Variants in SEPTIN8 observed in about 807,000 individuals in gnomAD.
SEPTIN8 encodes the protein septin-8.
In SEPTIN8, 22 loss-of-function variants were observed where a neutral mutation model predicts 53.1. The ratio of observed to expected loss-of-function variants is 0.41; its 90% CI spans 0.30 to 0.59. The LOEUF (loss-of-function observed/expected upper bound fraction) is 0.59. Ranked by LOEUF, SEPTIN8 falls within the 20% of genes least tolerant of loss-of-function variation. SEPTIN8 has a pLI of 0.24. For synonymous variants in SEPTIN8, 228 were observed against 248.4 expected (o/e 0.92, Z 0.77); for missense variants, 536 against 638.7 (o/e 0.84, Z 1.73).
At chr5:132,777,542 G>T, upstream of SEPTIN8, 1 of 961,172 alleles carries the variant, frequency 1.0e-6, no homozygotes, top group Non-Finnish European at 1.2e-6. This position sits in a 1 kb window ranked among gnomAD's most constrained non-coding sequence, Gnocchi z 4.1. Flanking sequence ...GAGCCTAGGT[G>T]AGAGTCTCCT....
At position 132,750,911 on chromosome 5, in the gene SEPTIN8, A is replaced by T. The variant is rs979892286; in HGVS notation, c.*1105T>A. ...GCACTATGGCTCTGACTATTCCCCGAATGAGCTGCTGAGGATGGAGCTGGC... is the reference window on the plus strand; with the variant it reads ...GCACTATGGCTCTGACTATTCCCCGTATGAGCTGCTGAGGATGGAGCTGGC... On this transcript the variant is annotated 3_prime_UTR_variant, in exon 10 of 10. Transcript: ENST00000378719. 6.2e-7 allele frequency: 1 copy of T among 1,614,160 alleles called. No homozygotes were observed. Among genetic ancestry groups the T allele is most frequent in the Non-Finnish European group, 8.5e-7 (1 of 1,180,056 alleles).
upstream of SEPTIN8, among the ~76,000 whole-genome samples, chr5:132,780,018 G>A (rs115984727): frequency 0.025 from 3,757 of 152,250 alleles, 73 homozygotes; most frequent in South Asian, 0.048. Flanking sequence ...TTGGCCTTAC[G>A]TGGTCTTGCT....
intron 9 of SEPTIN8, chr5:132,752,902 G>A (rs1267572677): frequency 6.2e-7 from 1 of 1,614,022 alleles, no homozygotes; most frequent in Non-Finnish European, 8.5e-7. Flanking sequence ...CAAGGAACTT[G>A]TAATGCAGCA....
chr5:132,758,274 G>A (rs1755529056), intron 9 of SEPTIN8: 4 of 1,316,438 alleles, frequency 3.0e-6, no homozygotes, highest in Admixed American at 3.4e-5. Context: ...AATAATGGGA[G>A]AGGATATTAT....
intron 3 of SEPTIN8, 150 bp downstream of exon 3, chr5:132,764,074 T>C: frequency 2.1e-6 from 2 of 946,852 alleles, no homozygotes; most frequent in Non-Finnish European, 3.1e-6. Flanking sequence ...CCTAAAGGAG[T>C]AACTGGTCTG....
intron 1 of SEPTIN8, among the ~76,000 whole-genome samples, chr5:132,769,424 G>T (rs1013210354): frequency 1.3e-5 from 2 of 152,212 alleles, no homozygotes; most frequent in African/African-American, 4.8e-5. Context: ...GAGGACATCA[G>T]ATCCTTGACC....
intron 5 of SEPTIN8, 52 bp downstream of exon 5, chr5:132,762,432 C>G: frequency 6.4e-7 from 1 of 1,566,866 alleles, no homozygotes; most frequent in Non-Finnish European, 8.8e-7. Flanking sequence ...AGATCTGTGC[C>G]GGCTCCTCGC....
At chr5:132,763,966 G>A (rs900896111) in intron 3 of SEPTIN8, 74 bp from the exon 4 acceptor site, 75 of 1,421,912 alleles carry the variant, frequency 5.3e-5, no homozygotes, top group Non-Finnish European at 6.9e-5. Flanking sequence ...CTCAGGGCTC[G>A]GGGCCAAGCC....
chr5:132,763,983 C>G (rs1028106911), intron 3 of SEPTIN8, 91 bp from the exon 4 acceptor site: 1 of 1,317,238 alleles, frequency 7.6e-7, no homozygotes, highest in Admixed American at 2.3e-5. Context: ...AGCCAGGCTG[C>G]CCCCTGGCCT....
chr5:132,768,737 C>G (rs1182195974), intron 1 of SEPTIN8, among the ~76,000 whole-genome samples: 1 of 152,180 alleles, frequency 6.6e-6, no homozygotes. Flanking sequence ...GCAGGTTGAG[C>G]CTTTATGACC....
At chr5:132,754,129 G>A (rs1327007482) in intron 9 of SEPTIN8, 1 of 377,270 alleles carries the variant, frequency 2.7e-6, no homozygotes, top group Non-Finnish European at 4.9e-6. Context: ...TTTGCTTGTT[G>A]GTGCTTTCGT....
chr5:132,765,446 C>T lies in SEPTIN8; in HGVS notation c.114G>A (p.Ser38=), dbSNP rs1054298529. Reference sequence around the variant, plus strand: ...TGTTGAAGCTGAAGCCCTGAGTGACCGACTTGCTGACCAGCTGGTCGGGGA... The same window carrying T: ...TGTTGAAGCTGAAGCCCTGAGTGACTGACTTGCTGACCAGCTGGTCGGGGA... The part of the protein sequence containing the change: ...DSLPDQLVSK[S]VTQGFSFNIL... Residue 38 remains serine, a synonymous_variant, in exon 2 of 10, where the codon TCG becomes TCA. Coordinates refer to ENST00000378719, the MANE Select transcript of SEPTIN8 (RefSeq NM_001098811.2). The T allele has an allele frequency of 3.1e-6, 5 of 1,613,444 alleles. No individual in the cohort carries two copies. Among genetic ancestry groups the T allele is most frequent in the East Asian group, 2.2e-5 (1 of 44,774 alleles).
chr5:132,756,703 A>G, intron 9 of SEPTIN8: 1 of 985,478 alleles, frequency 1.0e-6, no homozygotes, highest in Non-Finnish European at 1.2e-6. Flanking sequence ...ACCAGAAAAC[A>G]CAAGTCTGTC....
At chr5:132,752,902 G>C (rs1267572677) in intron 9 of SEPTIN8, 2 of 1,614,022 alleles carry the variant, frequency 1.2e-6, no homozygotes, top group African/African-American at 1.3e-5. Context: ...CAAGGAACTT[G>C]TAATGCAGCA....
chr5:132,768,316 A>T lies in SEPTIN8; in HGVS notation c.31-2787T>A, dbSNP rs541378586. Among the ~76,000 whole-genome samples the T allele has an allele frequency of 5.3e-5, 8 of 152,206 alleles. No individual in the cohort carries two copies. In the South Asian group the frequency reaches 1.7e-3, roughly 32 times the overall value. ...AGGGGTATGAGTCTATGGAGCATGC[A>T]TGCACACACACACGTACACACACAG... On this transcript the variant is annotated intron_variant, in intron 1 of 9. Transcript: ENST00000378719.
chr5:132,756,128 C>T (rs1189762558), intron 9 of SEPTIN8: 7 of 985,288 alleles, frequency 7.1e-6, no homozygotes, highest in African/African-American at 1.7e-5. Context: ...AGCATGTTAA[C>T]GTAACAGACT....
intron 9 of SEPTIN8, chr5:132,757,545 CCAG>C (rs1427480851): frequency 1.0e-6 from 1 of 985,402 alleles, no homozygotes; most frequent in Non-Finnish European, 1.2e-6. Context: ...CCTGAGGCTT[CCAG>C]CCAGGGAGTA....
intron 4 of SEPTIN8, among the ~76,000 whole-genome samples, chr5:132,763,064 C>T (rs1756160383): frequency 1.3e-5 from 2 of 152,202 alleles, no homozygotes; most frequent in Admixed American, 6.5e-5. Context: ...CTCCCAGGCC[C>T]AGGCTATCCC....
At chr5:132,754,101 A>G (rs927801991) in intron 9 of SEPTIN8, 8 of 321,204 alleles carry the variant, frequency 2.5e-5, no homozygotes, top group Non-Finnish European at 2.3e-5. Context: ...ATACATCTGT[A>G]TTTTTTCTTG....
Sources: gnomAD v4.1 joint callset for allele counts (sites outside exome capture counted in the v4.1 genomes callset) on GRCh38, gnomAD v4.1.1 for gene constraint, Gnocchi (gnomAD v3.1) non-coding constraint, MANE v1.5 for transcripts, NCBI Gene and HGNC (gene_info 2026-07-23, HGNC 2026-07-21) for gene names.